Variants in RBFOX3 observed in about 807,000 individuals in gnomAD.
RBFOX3 encodes the protein RNA binding fox-1 homolog 3.
Under a neutral mutation model 48.7 loss-of-function variants are expected in RBFOX3, and 17 were observed. The ratio of observed to expected loss-of-function variants is 0.35; its 90% confidence interval spans 0.24 to 0.52. The LOEUF is 0.52. Ranked by LOEUF, RBFOX3 falls within the 20% of genes least tolerant of loss-of-function variation. The pLI, the probability that RBFOX3 is intolerant of heterozygous loss-of-function variation, is 0.94. For missense variants in RBFOX3, 382 were observed against 497.5 expected (o/e 0.77, Z 2.21); for synonymous variants, 212 against 209.5 (o/e 1.01, Z -0.10).
intron 4 of RBFOX3, among the ~76,000 whole-genome samples, chr17:79,167,410 T>C (rs969624611): frequency 8.2e-6 from 1 of 121,632 alleles, no homozygotes; most frequent in Non-Finnish European, 1.6e-5. Flanking sequence ...ACGGTCCTAC[T>C]GAGCACCCTC....
At chr17:79,091,912 C>T (rs2073987100) in intron 14 of RBFOX3, 1 of 968,630 alleles carries the variant, frequency 1.0e-6, no homozygotes, top group Non-Finnish European at 1.2e-6. Context: ...AGTTTGCACA[C>T]CACGCGACAC....
At chr17:79,218,643 C>T (rs968590819) in intron 4 of RBFOX3, among the ~76,000 whole-genome samples, 3 of 152,164 alleles carry the variant, frequency 2.0e-5, no homozygotes, top group Admixed American at 6.5e-5. Context: ...GGCTCACACA[C>T]GCCAGGTCAG....
chr17:79,616,582 A>AACACACACACACAC, the RBFOX3 span, among the ~76,000 whole-genome samples: 534 of 145,720 alleles, frequency 3.7e-3, 2 homozygotes, highest in African/African-American at 7.9e-3. Flanking sequence ...TCTCTATACA[A>AACACACACACACAC]ACACACACAC....
In RBFOX3 at chr17:79,471,099, T is replaced by G. The variant is rs1157703285; in HGVS notation, c.-175+11355A>C. Among the ~76,000 whole-genome samples the G allele has an allele frequency of 6.6e-6, 1 of 152,176 alleles. No homozygotes were observed. Among genetic ancestry groups the G allele is most frequent in the Non-Finnish European group, 1.5e-5 (1 of 68,022 alleles). Reference sequence around the variant, plus strand: ...TTAACTGCTTCATAGACAGTCAAAATAAGCTTTCTGCTGGCCTCAGTGACA... The same window carrying G: ...TTAACTGCTTCATAGACAGTCAAAAGAAGCTTTCTGCTGGCCTCAGTGACA... On this transcript the variant is annotated intron_variant, in intron 2 of 14. Transcript: ENST00000693108. This position sits in a 1 kb window ranked among gnomAD's most constrained non-coding sequence, Gnocchi z 4.0.
chr17:79,259,907 T>C (rs969347876), intron 3 of RBFOX3, among the ~76,000 whole-genome samples: 1 of 152,100 alleles, frequency 6.6e-6, no homozygotes, highest in South Asian at 2.1e-4. Flanking sequence ...AGGAAACTGA[T>C]GCTCAGATAT....
intron 2 of RBFOX3, among the ~76,000 whole-genome samples, chr17:79,432,951 C>A (rs762270128): frequency 6.6e-6 from 1 of 152,134 alleles, no homozygotes; most frequent in South Asian, 2.1e-4. Context: ...AGAATCCGGT[C>A]GCTCTCCTCC....
rs547469566 is a variant in RBFOX3, at chr17:79,473,251, G to C, written c.-175+9203C>G. 9.8e-5 allele frequency among the ~76,000 whole-genome samples: 15 copies of C among 152,338 alleles called. No homozygotes were observed. Among genetic ancestry groups the C allele is most frequent in the African/African-American group, 3.4e-4 (14 of 41,576 alleles). On this transcript the variant is annotated intron_variant, in intron 2 of 14. Transcript: ENST00000693108. The surrounding 1 kb of genome is among the most constrained non-coding windows in gnomAD (Gnocchi z 4.2). ...GGCACCCATCCACAGACCTCACTTT[G>C]AGTAGCTGAGATATGGGTCATGTGA... is the stretch of plus-strand genomic sequence containing the variant.
At position 79,095,562 on chromosome 17, in the gene RBFOX3, C is replaced by A; in HGVS notation, c.949G>T (p.Ala317Ser). 2 of 1,551,230 alleles carry A rather than the reference C, an allele frequency of 1.3e-6. No homozygotes were observed. ...GCAGCGGGCTGAGCGTATCTGTAGG[C>A]TGCGTAGCCTCCCTGCAGGGTAAGT... Reference protein sequence around the residue: ...YGAEIYGGYAAYRYAQPAAAA... With the variant: ...YGAEIYGGYASYRYAQPAAAA... The change falls in exon 13 of 15, where the codon GCC (alanine) becomes TCC (serine). Residue 317 changes from alanine to serine, a missense_variant. Coordinates refer to ENST00000693108, the MANE Select transcript of RBFOX3 (RefSeq NM_001350451.2).
intron 2 of RBFOX3, among the ~76,000 whole-genome samples, chr17:79,433,731 G>A (rs1458766316): frequency 6.6e-6 from 1 of 150,898 alleles, no homozygotes; most frequent in African/African-American, 2.4e-5. Flanking sequence ...CCACGAGCAA[G>A]GTGCGGTTGC....
At chr17:79,499,414 C>G (rs1555776331) in intron 1 of RBFOX3, among the ~76,000 whole-genome samples, 1 of 152,086 alleles carries the variant, frequency 6.6e-6, no homozygotes, top group East Asian at 1.9e-4. Context: ...TCCATGCATC[C>G]AACCTTCCAT....
chr17:79,295,408 A>C (rs749878863), intron 3 of RBFOX3, among the ~76,000 whole-genome samples: 1 of 152,172 alleles, frequency 6.6e-6, no homozygotes, highest in Non-Finnish European at 1.5e-5. Context: ...CAACCTGGCA[A>C]GGTGAGGGAG....
chr17:79,389,961 G>A (rs1272952556), intron 2 of RBFOX3, among the ~76,000 whole-genome samples: 2 of 152,018 alleles, frequency 1.3e-5, no homozygotes, highest in Admixed American at 1.3e-4. Context: ...CAGCCTCCAG[G>A]TCTCTGTAGC....
At chr17:79,609,666 C>T (rs2093925408) in intron 1 of RBFOX3, among the ~76,000 whole-genome samples, 1 of 151,476 alleles carries the variant, frequency 6.6e-6, no homozygotes, top group African/African-American at 2.4e-5. Flanking sequence ...CACCCCCACC[C>T]TACGTGATAC....
chr17:79,514,110 C>A (rs1175569935), intron 1 of RBFOX3, among the ~76,000 whole-genome samples: 1 of 152,132 alleles, frequency 6.6e-6, no homozygotes, highest in East Asian at 1.9e-4. Context: ...CCATGTGTAT[C>A]AGACTTGCCT....
At chr17:79,447,747 C>T (rs1173018881) in intron 2 of RBFOX3, among the ~76,000 whole-genome samples, 2 of 152,222 alleles carry the variant, frequency 1.3e-5, no homozygotes, top group African/African-American at 2.4e-5. Flanking sequence ...GTGAGCATTG[C>T]TCAGCAGAGC....
chr17:79,653,833 A>C, the RBFOX3 span, among the ~76,000 whole-genome samples: 8 of 149,080 alleles, frequency 5.4e-5, no homozygotes, highest in Middle Eastern at 0.01. Flanking sequence ...GCTTGAGACC[A>C]GGAGTTTGAG....
intron 2 of RBFOX3, among the ~76,000 whole-genome samples, chr17:79,332,559 G>A (rs995264328): frequency 1.6e-5 from 2 of 123,488 alleles, no homozygotes; most frequent in African/African-American, 2.8e-5. Flanking sequence ...AGAGAAGTGT[G>A]GGGGCGTGGG....
At chr17:79,264,409 T>G (rs921533809) in intron 3 of RBFOX3, among the ~76,000 whole-genome samples, 9 of 151,776 alleles carry the variant, frequency 5.9e-5, no homozygotes, top group African/African-American at 2.2e-4. Flanking sequence ...CTCACTATGT[T>G]ATCCAGGCTG....
Position 79,097,784 on chromosome 17 carries a change from C to T in RBFOX3, c.569-39G>A, listed in dbSNP as rs751883415. On this transcript the variant is annotated intron_variant, in intron 9 of 14. Transcript: ENST00000693108. ...ACAGAGACCTAGTCACTGCCTTCCCCGACCCTTTTCCCACCAAAACGTATG... is the reference window on the plus strand; with the variant it reads ...ACAGAGACCTAGTCACTGCCTTCCCTGACCCTTTTCCCACCAAAACGTATG... 8 of 1,546,290 alleles carry T rather than the reference C, an allele frequency of 5.2e-6. No individual in the cohort carries two copies. The South Asian group carries it at 7.1e-5, about 14-fold the overall frequency.
Sources: gnomAD v4.1 joint callset for allele counts (sites outside exome capture counted in the v4.1 genomes callset) on GRCh38, gnomAD v4.1.1 for gene constraint, Gnocchi (gnomAD v3.1) non-coding constraint, MANE v1.5 for transcripts, NCBI Gene and HGNC (gene_info 2026-07-23, HGNC 2026-07-21) for gene names.